GANAB: variants seen among roughly 807,000 people sequenced by gnomAD.
GANAB encodes glucosidase II alpha subunit.
A neutral mutation model predicts 129.9 loss-of-function variants in GANAB; 35 were observed. The observed-to-expected ratio is 0.27, with a 90% CI of 0.21 to 0.36. The LOEUF (loss-of-function observed/expected upper bound fraction) is 0.36, where lower values mean the gene tolerates loss of function less well. GANAB is among the 10% of genes least tolerant of loss of function. GANAB has a pLI of 1.00. For synonymous variants in GANAB, 482 were observed against 451.8 expected (o/e 1.07, Z -0.85); for missense variants, 939 against 1,221.0 (o/e 0.77, Z 3.44).
In GANAB at chr11:62,629,656, T is replaced by G; in HGVS notation, c.1766A>C (p.Gln589Pro). The change falls in exon 15 of 24, where the codon CAG becomes CCG. Residue 589 changes from glutamine (Q) to proline (P), a missense_variant. By Grantham distance (76) the Gln-to-Pro change is moderately conservative. This residue lies in a region of GANAB where 147 missense variants were observed against 282.4 expected (regional missense o/e 0.52). Transcript: ENST00000356638. ...GGGGCGTTCCATGCCCCCAGAGCGC[T>G]GTCTCAGCCCATCAGCAGTCGCCAT... ...VHMATADGLR[Q>P]RSGGMERPFV... 2 of 1,613,662 alleles carry G rather than the reference T, an allele frequency of 1.2e-6. No homozygotes were observed. The highest frequency in any genetic ancestry group is 1.7e-6 in the Non-Finnish European group (2 of 1,179,768).
intron 1 of GANAB, among the ~76,000 whole-genome samples, chr11:62,645,467 C>A (rs1226564037): frequency 3.4e-5 from 5 of 148,944 alleles, no homozygotes; most frequent in Admixed American, 1.4e-4. Flanking sequence ...ACCCAGGAGG[C>A]GGAGCTTGCA....
chr11:62,627,258 C>G (rs1448413660), intron 18 of GANAB, 31 bp downstream of exon 18: 3 of 1,487,536 alleles, frequency 2.0e-6, no homozygotes, highest in African/African-American at 1.4e-5. Context: ...GGCCCAAAGC[C>G]AACCCACCAC....
chr11:62,635,602 C>A (rs893864834), intron 4 of GANAB, among the ~76,000 whole-genome samples: 2 of 151,694 alleles, frequency 1.3e-5, no homozygotes, highest in Non-Finnish European at 2.9e-5. Context: ...AAATGATTTT[C>A]CAAATATGAA....
Position 62,627,073 on chromosome 11 carries a change from T to C in GANAB, c.2297A>G (p.Gln766Arg). The C allele has an allele frequency of 6.2e-7, 1 of 1,613,938 alleles. No individual in the cohort carries two copies. Among genetic ancestry groups the C allele is most frequent in the Admixed American group, 1.7e-5 (1 of 60,022 alleles). The change falls in exon 19 of 24, where the codon CAG (glutamine) becomes CGG (arginine). Residue 766 changes from glutamine to arginine, a missense_variant. Gln to Arg is a conservative substitution (Grantham distance 43). Transcript: ENST00000356638. Reference sequence around the variant, plus strand: ...CTCCCCTTGGCCAGGCAGATAGACCTGGACACCATGGGCTCCAGAGTCTGA... The same window carrying C: ...CTCCCCTTGGCCAGGCAGATAGACCCGGACACCATGGGCTCCAGAGTCTGA... ...PVSDSGAHGV[Q>R]VYLPGQGEVW...
At chr11:62,645,106 G>A (rs1241893644) in intron 1 of GANAB, among the ~76,000 whole-genome samples, 1 of 152,186 alleles carries the variant, frequency 6.6e-6, no homozygotes, top group East Asian at 1.9e-4. Context: ...AATAGGCCAA[G>A]CAGAATAAAT....
Position 62,625,079 on chromosome 11 carries a change from C to A in GANAB, c.*736G>T, listed in dbSNP as rs1405939903. 1 of 363,976 alleles carries A rather than the reference C, an allele frequency of 2.7e-6. No homozygotes were observed. 22.5% of individuals were successfully genotyped at this position (363,976 alleles called of 1,614,324 possible). ...ACAACTGATTTCTCCATCTTAAGTG[C>A]CCCTCAAAGGGGACAAGAAGGGGGC... On this transcript the variant is annotated 3_prime_UTR_variant, in exon 24 of 24. Transcript: ENST00000356638.
chr11:62,625,295 G>A lies in GANAB; in HGVS notation c.*520C>T. The stretch of plus-strand genomic sequence containing the variant: ...CCTTTGATCCATTCATCCTGTCCGG[G>A]GTAAGGGGTGGTCCCAGTGTATCGG... On this transcript the variant is annotated 3_prime_UTR_variant, in exon 24 of 24. Coordinates refer to ENST00000356638, the MANE Select transcript of GANAB (RefSeq NM_198334.3). 1 of 456,384 alleles carries A rather than the reference G, an allele frequency of 2.2e-6. No homozygotes were observed. The highest frequency in any genetic ancestry group is 1.5e-5 in the South Asian group (1 of 64,518). The allele number at this position is 456,384 out of a possible 1,614,324, so 28.3% of individuals were successfully genotyped here.
rs1943867961 is a variant in GANAB at position 62,634,852 on chromosome 11, C to G, written c.529G>C (p.Glu177Gln). 1.2e-6 allele frequency: 2 copies of G among 1,614,102 alleles called. No individual in the cohort carries two copies. The highest frequency in any genetic ancestry group is 4.5e-5 in the East Asian group (2 of 44,888). ...CTAGGGGCCCTCTGATGCTCAAACTCCAAGAGTCCTCGGGCATTGACACTA... is the reference window on the plus strand; with the variant it reads ...CTAGGGGCCCTCTGATGCTCAAACTGCAAGAGTCCTCGGGCATTGACACTA... Reference protein sequence around the residue: ...LLSVNARGLLEFEHQRAPRVS... With the variant: ...LLSVNARGLLQFEHQRAPRVS... Residue 177 changes from glutamate (E) to glutamine (Q), a missense_variant, in exon 5 of 24, where the codon GAG (glutamate) becomes CAG (glutamine). Glu to Gln is a conservative substitution (Grantham distance 29). Around this residue, in one of 5 missense-constraint regions of GANAB, gnomAD observed 321 missense variants for 329.1 expected, o/e 0.98. Transcript: ENST00000356638.
At chr11:62,642,896 A>G (rs563687482) in intron 1 of GANAB, among the ~76,000 whole-genome samples, 33 of 152,290 alleles carry the variant, frequency 2.2e-4, no homozygotes, top group Non-Finnish European at 3.8e-4. Flanking sequence ...AAAAGGTTGA[A>G]TAGTTCACCC....
At chr11:62,639,530 T>A (rs1944124393) in intron 2 of GANAB, 63 bp from the exon 3 acceptor site, 4 of 1,448,508 alleles carry the variant, frequency 2.8e-6, no homozygotes, top group South Asian at 2.3e-5. Flanking sequence ...AGTCAGTCTA[T>A]CACCTGCAGT....
intron 5 of GANAB, chr11:62,633,971 T>C: frequency 2.8e-6 from 1 of 353,330 alleles, no homozygotes. Context: ...TTCAAGAGAT[T>C]CTGCCAAAAA....
At chr11:62,626,515 C>A in intron 21 of GANAB, 56 bp downstream of exon 21, 4 of 1,507,244 alleles carry the variant, frequency 2.7e-6, no homozygotes, top group Non-Finnish European at 3.7e-6. Flanking sequence ...CCCCAGAGAA[C>A]TGAGTCCTAG....
intron 4 of GANAB, 37 bp downstream of exon 4, chr11:62,638,946 G>A: frequency 6.2e-7 from 1 of 1,605,740 alleles, no homozygotes. Context: ...AAGGAGAAAG[G>A]GGCCACAGAA....
Position 62,639,341 on chromosome 11 carries a change from T to A in GANAB, c.252+18A>T, listed in dbSNP as rs761610648. 1 of 1,517,850 alleles carries A rather than the reference T, an allele frequency of 6.6e-7. No individual in the cohort carries two copies. The highest frequency in any genetic ancestry group is 9.2e-7 in the Non-Finnish European group (1 of 1,092,560). 94.0% of individuals were successfully genotyped at this position (1,517,850 alleles called of 1,614,324 possible). Reference sequence around the variant, plus strand: ...CCATTGCCCCACCCCCACCAGACTCTTCCTTGTCTCTCCTGACCTTGGTGA... The same window carrying A: ...CCATTGCCCCACCCCCACCAGACTCATCCTTGTCTCTCCTGACCTTGGTGA... On this transcript the variant is annotated intron_variant, in intron 3 of 23. Coordinates refer to ENST00000356638, the MANE Select transcript of GANAB (RefSeq NM_198334.3).
Position 62,646,552 on chromosome 11 carries a change from G to A in GANAB, c.38+10C>T. 1.9e-6 allele frequency: 3 copies of A among 1,613,410 alleles called. No homozygotes were observed. Among genetic ancestry groups the A allele is most frequent in the South Asian group, 1.1e-5 (1 of 91,084 alleles). ...GTCCCGGGCGCGCCCCCAGATTCCGGGCTCCTCACCGCCTCCTACGCGCCG... is the reference window on the plus strand; with the variant it reads ...GTCCCGGGCGCGCCCCCAGATTCCGAGCTCCTCACCGCCTCCTACGCGCCG... On this transcript the variant is annotated intron_variant, in intron 1 of 23. Coordinates refer to ENST00000356638, the MANE Select transcript of GANAB (RefSeq NM_198334.3).
intron 14 of GANAB, 34 bp downstream of exon 14, chr11:62,629,778 CCT>C: frequency 3.7e-6 from 6 of 1,612,942 alleles, no homozygotes; most frequent in Non-Finnish European, 5.1e-6. Context: ...GGCTGTTTTC[CCT>C]CTTTCCACCA....
chr11:62,631,468 CTTTT>C (rs376984987), intron 9 of GANAB, among the ~76,000 whole-genome samples: 1 of 138,400 alleles, frequency 7.2e-6, no homozygotes, highest in Non-Finnish European at 1.6e-5. Context: ...ATCTTGCATT[CTTTT>C]TTTTTTTTTT....
chr11:62,639,382 G>A lies in GANAB; in HGVS notation c.229C>T (p.His77Tyr). 6.2e-7 allele frequency: 1 copy of A among 1,610,428 alleles called. No homozygotes were observed. ...LQLGPDSLTV[H>Y]LIHEVTKVLL... ...ACCTTGGTGACCTCATGGATCAGAT[G>A]GACCGTGAGGGAATCAGGACCAAGC... is the stretch of plus-strand genomic sequence containing the variant. The change falls in exon 3 of 24, where the codon CAT becomes TAT. Residue 77 changes from histidine (H) to tyrosine (Y), a missense_variant. This residue lies in a region of GANAB where 321 missense variants were observed against 329.1 expected (regional missense o/e 0.98). Coordinates refer to ENST00000356638, the MANE Select transcript of GANAB (RefSeq NM_198334.3).
intron 1 of GANAB, among the ~76,000 whole-genome samples, chr11:62,642,372 A>C (rs1031202536): frequency 2.0e-5 from 3 of 151,740 alleles, no homozygotes; most frequent in Admixed American, 1.3e-4. Context: ...GTTTTTAACA[A>C]TATCAGTGAC....
Sources: allele counts gnomAD v4.1 joint callset (sites outside exome capture counted in the v4.1 genomes callset), GRCh38; gene constraint gnomAD v4.1.1; regional missense constraint gnomAD v4.1.1; transcripts MANE v1.5; gene names NCBI Gene and HGNC (gene_info 2026-07-23, HGNC 2026-07-21).